Variants in NOTCH2 observed in about 807,000 individuals in gnomAD.
NOTCH2 encodes the protein notch receptor 2, also known as neurogenic locus notch homolog protein 2.
In NOTCH2, 29 loss-of-function variants were observed where a neutral mutation model predicts 235.8. The ratio of observed to expected loss-of-function variants is 0.12; its 90% CI spans 0.09 to 0.17. The LOEUF (loss-of-function observed/expected upper bound fraction) is 0.17. NOTCH2 is among the 10% of genes least tolerant of loss of function. NOTCH2 has a pLI of 1.00. For missense variants in NOTCH2, 2,285 were observed against 3,150.2 expected, an observed-to-expected ratio of 0.73 and a Z score of 6.57; for synonymous variants, 1,086 against 1,141.5, an observed-to-expected ratio of 0.95 and a Z score of 0.98.
intron 5 of NOTCH2, among the ~76,000 whole-genome samples, chr1:119,974,336 A>AT (rs377344078): frequency 6.8e-4 from 103 of 152,264 alleles, no homozygotes; most frequent in African/African-American, 2.2e-3. Context: ...GGCTACTGTC[A>AT]TTTTTTTAAC....
At chr1:119,940,864 G>T in intron 18 of NOTCH2, 108 bp from the exon 19 acceptor site, 1 of 953,738 alleles carries the variant, frequency 1.0e-6, no homozygotes, top group Non-Finnish European at 1.7e-6. Context: ...ATACCTCTGA[G>T]CAACCCATAT....
rs1571143657 is a variant in NOTCH2, at chr1:119,913,546, C to T, written c.*1760G>A. 4 of 233,176 alleles carry T rather than the reference C, an allele frequency of 1.7e-5. No homozygotes were observed. In the East Asian group the frequency reaches 2.4e-4, roughly 14 times the overall value. 14.4% of individuals were successfully genotyped at this position (233,176 alleles called of 1,614,324 possible). A position where few individuals can be genotyped will look rare whatever the true frequency, so the allele number is the denominator to read the frequency against. On this transcript the variant is annotated 3_prime_UTR_variant, in exon 34 of 34. Coordinates refer to ENST00000256646, the MANE Select transcript of NOTCH2 (RefSeq NM_024408.4). ...ACGGAAGTTGCAGTGTAGCCATGGA[C>T]CAATTATTAACTGGCCCAAGGAGAA...
intron 5 of NOTCH2, among the ~76,000 whole-genome samples, chr1:119,977,867 T>G (rs1199483795): frequency 6.6e-6 from 1 of 151,662 alleles, no homozygotes; most frequent in African/African-American, 2.4e-5. Flanking sequence ...AATATATATA[T>G]GTACACATAC....
At chr1:119,974,739 T>C (rs1336486842) in intron 5 of NOTCH2, among the ~76,000 whole-genome samples, 4 of 152,350 alleles carry the variant, frequency 2.6e-5, no homozygotes, top group South Asian at 4.1e-4. Context: ...GTCTTATCAA[T>C]AGAGTAGGTC....
intron 22 of NOTCH2, among the ~76,000 whole-genome samples, chr1:119,931,916 T>C (rs1393545179): frequency 1.3e-5 from 2 of 150,152 alleles, no homozygotes; most frequent in African/African-American, 4.9e-5. Flanking sequence ...ATTTGTTTTT[T>C]TATATCATAG....
At chr1:119,930,801 T>TA (rs1157506380) in intron 22 of NOTCH2, among the ~76,000 whole-genome samples, 2 of 119,624 alleles carry the variant, frequency 1.7e-5, no homozygotes, top group East Asian at 2.6e-4. Context: ...TAATCATAAT[T>TA]AAAAAAAAAG....
chr1:120,009,577 C>T (rs587669395), intron 2 of NOTCH2, among the ~76,000 whole-genome samples: 1 of 152,180 alleles, frequency 6.6e-6, no homozygotes, highest in Admixed American at 6.5e-5. Context: ...TCTTACTTAT[C>T]CCTCCGCAAC....
At position 119,986,250 on chromosome 1, in the gene NOTCH2, A is replaced by C. The variant is rs4659023; in HGVS notation, c.874+710T>G. Reference sequence around the variant, plus strand: ...CTCTTAGTCCCTTAATCAGTTCTTAATTGTCTCTACTTTCAGTAGATAAAC... The same window carrying C: ...CTCTTAGTCCCTTAATCAGTTCTTACTTGTCTCTACTTTCAGTAGATAAAC... On this transcript the variant is annotated intron_variant, in intron 5 of 33. Coordinates refer to ENST00000256646, the MANE Select transcript of NOTCH2 (RefSeq NM_024408.4). 7.4e-3 allele frequency among the ~76,000 whole-genome samples: 1,134 copies of C among 152,280 alleles called. 14 individuals are homozygous for C. The highest frequency in any genetic ancestry group is 0.029 in the Admixed American group (450 of 15,290).
chr1:119,940,531 G>C (rs1553196310), intron 19 of NOTCH2, 24 bp downstream of exon 19: 1 of 1,603,394 alleles, frequency 6.2e-7, no homozygotes, highest in East Asian at 2.2e-5. Context: ...GGGGAGCTGA[G>C]TGAATGGGAA....
At chr1:119,948,905 G>T in intron 16 of NOTCH2, 102 bp downstream of exon 16, 2 of 1,408,866 alleles carry the variant, frequency 1.4e-6, no homozygotes, top group Non-Finnish European at 2.0e-6. Flanking sequence ...AGATGGACAG[G>T]CCTCATAAGA....
chr1:119,918,174 T>C (rs770305163), intron 32 of NOTCH2, among the ~76,000 whole-genome samples: 2 of 152,226 alleles, frequency 1.3e-5, no homozygotes, highest in African/African-American at 2.4e-5. Flanking sequence ...CTTTCATGTA[T>C]CTGCTCTGAG....
intron 31 of NOTCH2, 74 bp downstream of exon 31, chr1:119,919,234 TATTA>T: frequency 3.7e-6 from 5 of 1,362,162 alleles, no homozygotes; most frequent in African/African-American, 1.4e-5. Context: ...TTCAATGAGA[TATTA>T]ATTCTTTAAA....
intron 3 of NOTCH2, among the ~76,000 whole-genome samples, chr1:120,001,036 G>A (rs1652729402): frequency 6.6e-6 from 1 of 152,064 alleles, no homozygotes; most frequent in Non-Finnish European, 1.5e-5. Flanking sequence ...TAAGTCTCAT[G>A]AGATCTGATG....
At position 119,915,317 on chromosome 1, in the gene NOTCH2, C is replaced by A. The variant is rs1187087183; in HGVS notation, c.7405G>T (p.Val2469Phe). The A allele has an allele frequency of 3.1e-6, 5 of 1,613,436 alleles. No homozygotes were observed. Among genetic ancestry groups the A allele is most frequent in the Non-Finnish European group, 4.2e-6 (5 of 1,180,026 alleles). The change falls in exon 34 of 34, where the codon GTT becomes TTT. Residue 2469 changes from valine to phenylalanine, a missense_variant. Physicochemically the swap from Val to Phe is conservative, Grantham distance 50. Transcript: ENST00000256646. ...GGAGGTGGACTCTCTCACGCATAAA[C>A]CTGCATGTTGTTGTGTGGTGGCTCA... is the stretch of plus-strand genomic sequence containing the variant. ...MSEPPHNNMQ[V>F]YA
intron 1 of NOTCH2, among the ~76,000 whole-genome samples, chr1:120,041,732 C>A: frequency 7.0e-6 from 1 of 143,398 alleles, no homozygotes; most frequent in Admixed American, 7.0e-5. Context: ...ATATAAATTC[C>A]AATATATTAA....
chr1:119,960,625 A>G (rs1344282279), intron 11 of NOTCH2, among the ~76,000 whole-genome samples: 2 of 152,058 alleles, frequency 1.3e-5, no homozygotes, highest in African/African-American at 4.8e-5. Flanking sequence ...ATAAGAAAAC[A>G]AAACATCCAG....
intron 23 of NOTCH2, among the ~76,000 whole-genome samples, chr1:119,928,675 T>C (rs1201394247): frequency 6.6e-6 from 1 of 152,202 alleles, no homozygotes; most frequent in Admixed American, 6.5e-5. Flanking sequence ...ATTTTGCCAC[T>C]ATTAAAAAAT....
chr1:120,041,824 T>A (rs1476662706), intron 1 of NOTCH2, among the ~76,000 whole-genome samples: 2 of 75,342 alleles, frequency 2.7e-5, no homozygotes, highest in African/African-American at 6.6e-5. Flanking sequence ...AAATGAGTAA[T>A]AAACTGCTAA....
At chr1:119,995,425 T>A (rs1177033666) in intron 4 of NOTCH2, 1 of 151,958 alleles carries the variant, frequency 6.6e-6, no homozygotes, top group Non-Finnish European at 1.5e-5. Context: ...CAACAATAAA[T>A]CACACTAACA....
Sources: gnomAD v4.1 joint callset for allele counts (sites outside exome capture counted in the v4.1 genomes callset) on GRCh38, gnomAD v4.1.1 for gene constraint, MANE v1.5 for transcripts, NCBI Gene and HGNC (gene_info 2026-07-23, HGNC 2026-07-21) for gene names.